PCDHGB5: variants seen among roughly 807,000 people sequenced by gnomAD.
The protein encoded by PCDHGB5 is protocadherin gamma subfamily B, 5.
In PCDHGB5, 48 loss-of-function variants were observed where a neutral mutation model predicts 62.9. That is an observed-to-expected ratio of 0.76 (90% CI 0.61 to 0.97). PCDHGB5 has a LOEUF of 0.97. Ranked by LOEUF, PCDHGB5 falls within the 50% of genes least tolerant of loss-of-function variation. The pLI is 0.00. For missense variants in PCDHGB5, 1,118 were observed against 1,198.6 expected, an observed-to-expected ratio of 0.93 and a Z score of 0.99; for synonymous variants, 474 against 511.2, an observed-to-expected ratio of 0.93 and a Z score of 0.98.
In PCDHGB5 at chr5:141,491,425, C is replaced by CA; in HGVS notation, c.2398-3381dup. The CA allele has an allele frequency of 6.2e-7, 1 of 1,614,076 alleles. No homozygotes were observed. The highest frequency in any genetic ancestry group is 8.5e-7 in the Non-Finnish European group (1 of 1,179,996). On this transcript the variant is annotated intron_variant, in intron 1 of 3. Coordinates refer to ENST00000617380, the MANE Select transcript of PCDHGB5 (RefSeq NM_018925.3). The surrounding 1 kb of genome is among the most constrained non-coding windows in gnomAD (Gnocchi z 6.9). ...CGCAGACGGGGACGGGGGTGGAGGG[C>CA]AGTGCTGCAGGCGCCAGGACTCACC...
intron 1 of PCDHGB5, chr5:141,419,406 C>A (rs367731612): frequency 1.9e-6 from 3 of 1,613,404 alleles, no homozygotes; most frequent in Non-Finnish European, 2.5e-6. Context: ...GTGGTGTTCG[C>A]GCAGCGCGCC....
At chr5:141,415,904 C>T in intron 1 of PCDHGB5, 1 of 833,428 alleles carries the variant, frequency 1.2e-6, no homozygotes, top group Non-Finnish European at 1.6e-6. Context: ...AGACAGACTT[C>T]CATACAGAAG....
intron 1 of PCDHGB5, among the ~76,000 whole-genome samples, chr5:141,425,417 G>A (rs1238708306): frequency 2.0e-5 from 3 of 152,162 alleles, no homozygotes; most frequent in East Asian, 3.9e-4. Context: ...ATAACATATA[G>A]TCCCATTAAA....
At chr5:141,401,919 G>A (rs2150915658) in intron 1 of PCDHGB5, among the ~76,000 whole-genome samples, 1 of 152,224 alleles carries the variant, frequency 6.6e-6, no homozygotes, top group Non-Finnish European at 1.5e-5. Context: ...ATAAGTTTAA[G>A]TGATGCTTAG....
chr5:141,457,417 CTTTT>C (rs894846890), intron 1 of PCDHGB5, among the ~76,000 whole-genome samples: 4 of 152,180 alleles, frequency 2.6e-5, no homozygotes, highest in Admixed American at 2.6e-4. Context: ...TTACCCATCC[CTTTT>C]TCCCCCCCAC....
intron 1 of PCDHGB5, chr5:141,423,620 C>T: frequency 6.2e-7 from 1 of 1,608,268 alleles, no homozygotes; most frequent in Middle Eastern, 1.7e-4. Context: ...GCTGAAGACT[C>T]AGCTATCATT....
intron 1 of PCDHGB5, chr5:141,404,242 G>T (rs372976589): frequency 1.2e-6 from 2 of 1,613,462 alleles, no homozygotes; most frequent in Non-Finnish European, 1.7e-6. Flanking sequence ...GAGGAACTCC[G>T]CCCCTGTCCA....
At chr5:141,407,309 A>C (rs1197028846) in intron 1 of PCDHGB5, among the ~76,000 whole-genome samples, 1 of 152,240 alleles carries the variant, frequency 6.6e-6, no homozygotes, top group African/African-American at 2.4e-5. Flanking sequence ...AGTAGCCTTC[A>C]TACTTAGTAT....
rs148675327 is a variant in PCDHGB5 at position 141,477,019 on chromosome 5, C to A, written c.2398-17788C>A. On this transcript the variant is annotated intron_variant, in intron 1 of 3. Coordinates refer to ENST00000617380, the MANE Select transcript of PCDHGB5 (RefSeq NM_018925.3). The surrounding 1 kb of genome is among the most constrained non-coding windows in gnomAD (Gnocchi z 4.9). ...AACTATTCGCCTTAGACCTTGTAAC[C>A]GGGATGCTGACAATCAAGGGTCGGC... The A allele has an allele frequency of 1.7e-5, 28 of 1,614,124 alleles. No individual in the cohort carries two copies. The African/African-American group carries it at 2.5e-4, about 15-fold the overall frequency.
chr5:141,503,671 A>G (rs1028896082), intron 2 of PCDHGB5, among the ~76,000 whole-genome samples: 2 of 151,950 alleles, frequency 1.3e-5, no homozygotes, highest in Non-Finnish European at 2.9e-5. Flanking sequence ...AACTCTTCCC[A>G]CTTTTGGGAA....
Position 141,398,637 on chromosome 5 carries a change from T to G in PCDHGB5, c.510T>G (p.Tyr170Ter). The change falls in exon 1 of 4, where the codon TAT (tyrosine) becomes TAG (stop). Residue 170 changes from tyrosine to a stop codon, truncating the protein, a stop_gained. Coordinates refer to ENST00000617380, the MANE Select transcript of PCDHGB5 (RefSeq NM_018925.3). LOFTEE classifies it high-confidence loss of function. ...TTGGCTTAAACTCTCTGCAGAAGTA[T>G]AAACTCTCTCTTAACCCAAGTTTCT... ...ADIGLNSLQK[Y>*]KLSLNPSFSL... The G allele has an allele frequency of 6.2e-7, 1 of 1,614,026 alleles. No individual in the cohort carries two copies. Among genetic ancestry groups the G allele is most frequent in the Non-Finnish European group, 8.5e-7 (1 of 1,179,894 alleles).
intron 1 of PCDHGB5, among the ~76,000 whole-genome samples, chr5:141,467,087 C>T (rs1159093881): frequency 3.4e-5 from 5 of 147,240 alleles, no homozygotes; most frequent in African/African-American, 1.3e-4. Context: ...AAGTCTCACT[C>T]TGTCACACAG....
rs566838507 is a variant in PCDHGB5, at chr5:141,415,047, G to T, written c.2397+14523G>T. ...GCGAGCCGGGACTCTTCGCGGTGGG[G>T]GAGCACACGGGCGAGGTGCGCACGG... On this transcript the variant is annotated intron_variant, in intron 1 of 3. Transcript: ENST00000617380. The T allele has an allele frequency of 4.2e-5, 67 of 1,613,220 alleles. 1 individual carries two copies. The Admixed American group carries it at 6.0e-4, about 14-fold the overall frequency.
intron 1 of PCDHGB5, chr5:141,415,275 G>A (rs1242620005): frequency 5.6e-6 from 9 of 1,614,094 alleles, no homozygotes; most frequent in East Asian, 4.5e-5. Flanking sequence ...TGGTGGTAGC[G>A]GTGGCCGCGG....
At chr5:141,475,762 G>A (rs4151701) in intron 1 of PCDHGB5, among the ~76,000 whole-genome samples, 9,255 of 152,346 alleles carry the variant, frequency 0.061, 562 homozygotes, top group African/African-American at 0.16. Context: ...CACCGATACT[G>A]GCAAGGCGCT....
At chr5:141,418,409 G>T in intron 1 of PCDHGB5, 1 of 1,613,910 alleles carries the variant, frequency 6.2e-7, no homozygotes, top group Non-Finnish European at 8.5e-7. Flanking sequence ...GGTGGAGAAA[G>T]ACAATCCTGA....
intron 1 of PCDHGB5, among the ~76,000 whole-genome samples, chr5:141,463,088 C>T (rs768488458): frequency 6.6e-6 from 1 of 152,108 alleles, no homozygotes; most frequent in Non-Finnish European, 1.5e-5. Flanking sequence ...ATTTTCCAGC[C>T]CTATGTGACC....
intron 1 of PCDHGB5, among the ~76,000 whole-genome samples, chr5:141,454,918 C>T (rs1474616925): frequency 6.7e-6 from 1 of 149,344 alleles, no homozygotes; most frequent in Non-Finnish European, 1.5e-5. Context: ...CGCCATTCTC[C>T]TGCCTCAGCC....
chr5:141,435,853 T>C (rs1034164236), intron 1 of PCDHGB5, among the ~76,000 whole-genome samples: 1 of 152,110 alleles, frequency 6.6e-6, no homozygotes, highest in African/African-American at 2.4e-5. Context: ...AAAGATACAA[T>C]AGTTAAAACC....
Sources: allele counts gnomAD v4.1 joint callset (sites outside exome capture counted in the v4.1 genomes callset), GRCh38; gene constraint gnomAD v4.1.1; non-coding constraint Gnocchi (gnomAD v3.1); transcripts MANE v1.5; gene names NCBI Gene and HGNC (gene_info 2026-07-23, HGNC 2026-07-21).